GRID1: variants seen among roughly 807,000 people sequenced by gnomAD.
The protein encoded by GRID1 is glutamate ionotropic receptor delta type subunit 1.
In GRID1, 28 loss-of-function variants were observed where a neutral mutation model predicts 98.0. That is an observed-to-expected ratio of 0.29 (90% CI 0.21 to 0.39). The LOEUF is 0.39. Ranked by LOEUF, GRID1 falls within the 10% of genes least tolerant of loss-of-function variation. The pLI, the probability that GRID1 is intolerant of heterozygous loss-of-function variation, is 1.00. For synonymous variants in GRID1, 553 were observed against 538.5 expected (o/e 1.03, Z -0.37); for missense variants, 1,111 against 1,340.5 (o/e 0.83, Z 2.67).
At chr10:86,161,601 A>C (rs1364891377) in intron 3 of GRID1, among the ~76,000 whole-genome samples, 3 of 152,306 alleles carry the variant, frequency 2.0e-5, no homozygotes. Flanking sequence ...TCTGTAGGCC[A>C]TGAGTGCTTG....
At chr10:85,935,485 G>C (rs150443148) in intron 4 of GRID1, among the ~76,000 whole-genome samples, 2 of 152,194 alleles carry the variant, frequency 1.3e-5, no homozygotes, top group African/African-American at 4.8e-5. Flanking sequence ...CAGAGTATCA[G>C]CCTGACCCTC....
At chr10:86,059,891 T>A (rs1258424768) in intron 4 of GRID1, among the ~76,000 whole-genome samples, 5 of 151,468 alleles carry the variant, frequency 3.3e-5, no homozygotes, top group African/African-American at 1.2e-4. Flanking sequence ...AAAATGAAAA[T>A]AAAAAAAACA....
At chr10:86,182,033 C>T (rs1479812889) in intron 3 of GRID1, among the ~76,000 whole-genome samples, 1 of 152,170 alleles carries the variant, frequency 6.6e-6, no homozygotes. Flanking sequence ...GTGAAGTGGG[C>T]TTCTTTAAGA....
chr10:85,972,346 T>G (rs137874981), intron 4 of GRID1, among the ~76,000 whole-genome samples: 10 of 151,250 alleles, frequency 6.6e-5, no homozygotes, highest in Admixed American at 2.0e-4. Context: ...CTAATGGAAA[T>G]CAAAGGCAAT....
At chr10:85,860,816 T>A (rs1221312993) in intron 6 of GRID1, among the ~76,000 whole-genome samples, 1 of 152,112 alleles carries the variant, frequency 6.6e-6, no homozygotes, top group East Asian at 1.9e-4. Flanking sequence ...ATTTGCTGAG[T>A]GATGTTGAAC....
At chr10:86,068,295 G>C (rs1027966088) in intron 4 of GRID1, among the ~76,000 whole-genome samples, 5 of 152,122 alleles carry the variant, frequency 3.3e-5, no homozygotes, top group African/African-American at 1.2e-4. Context: ...TTTACAAGGG[G>C]CTATGTGAAG....
intron 2 of GRID1, among the ~76,000 whole-genome samples, chr10:86,325,892 C>A (rs1180008507): frequency 1.3e-5 from 2 of 152,192 alleles, no homozygotes. Context: ...GACAACGTGA[C>A]AGCACCTGAA....
At chr10:85,607,023 C>T (rs188393833) in intron 15 of GRID1, 1 of 152,284 alleles carries the variant, frequency 6.6e-6, no homozygotes, top group East Asian at 1.9e-4. Flanking sequence ...ATAAAATTCA[C>T]AGACTGTGTT....
At chr10:86,188,302 T>C (rs1413913116) in intron 3 of GRID1, among the ~76,000 whole-genome samples, 1 of 152,256 alleles carries the variant, frequency 6.6e-6, no homozygotes, top group East Asian at 1.9e-4. Flanking sequence ...TCAGCTATGC[T>C]GATGCCATCC....
intron 4 of GRID1, among the ~76,000 whole-genome samples, chr10:86,025,376 C>T (rs886400692): frequency 6.6e-6 from 1 of 152,232 alleles, no homozygotes; most frequent in South Asian, 2.1e-4. Context: ...GCCTTGAATA[C>T]GAGTGATTCC....
intron 12 of GRID1, among the ~76,000 whole-genome samples, chr10:85,699,054 T>C (rs1057419928): frequency 9.2e-5 from 14 of 152,048 alleles, no homozygotes; most frequent in African/African-American, 3.1e-4. Context: ...TTGTTTTGTT[T>C]TTTGTTTTGT....
chr10:85,708,265 G>A (rs541457806), intron 12 of GRID1, among the ~76,000 whole-genome samples: 22 of 152,150 alleles, frequency 1.4e-4, no homozygotes, highest in Non-Finnish European at 2.6e-4. Context: ...TTAGCCAGGC[G>A]TGGTGGTGGG....
chr10:86,054,287 A>C (rs1843544464), intron 4 of GRID1, among the ~76,000 whole-genome samples: 1 of 152,174 alleles, frequency 6.6e-6, no homozygotes. Flanking sequence ...CCCAGCAGGC[A>C]AGGTGAAACC....
rs765136625 is a variant in GRID1 at position 86,206,154 on chromosome 10, T to C, written c.520+210A>G. On this transcript the variant is annotated intron_variant, in intron 3 of 15. Coordinates refer to ENST00000327946, the MANE Select transcript of GRID1 (RefSeq NM_017551.3). This position sits in a 1 kb window ranked among gnomAD's most constrained non-coding sequence, Gnocchi z 4.1. ...TCAAACTTCAGCCGTCATGATAAGG[T>C]GTTGTTGCTAGGCAACTTTATACCT... 3.3e-5 allele frequency among the ~76,000 whole-genome samples: 5 copies of C among 152,162 alleles called. No homozygotes were observed. Among genetic ancestry groups the C allele is most frequent in the Non-Finnish European group, 5.9e-5 (4 of 68,022 alleles).
At chr10:85,876,283 A>G (rs1320774531) in intron 5 of GRID1, among the ~76,000 whole-genome samples, 1 of 151,696 alleles carries the variant, frequency 6.6e-6, no homozygotes, top group Non-Finnish European at 1.5e-5. Flanking sequence ...CCTGGGGGAG[A>G]CATGTTTCTC....
intron 2 of GRID1, among the ~76,000 whole-genome samples, chr10:86,301,178 C>A (rs1267024142): frequency 5.3e-5 from 8 of 152,318 alleles, no homozygotes; most frequent in African/African-American, 1.7e-4. Flanking sequence ...CGGCTCACCA[C>A]GAGGACCAAG....
chr10:86,095,316 A>G (rs555554118), intron 4 of GRID1, among the ~76,000 whole-genome samples: 1 of 152,328 alleles, frequency 6.6e-6, no homozygotes, highest in African/African-American at 2.4e-5. Context: ...GTGACCAAGA[A>G]TAAAAAAGCA....
At chr10:86,162,166 C>A (rs2131987163) in intron 3 of GRID1, among the ~76,000 whole-genome samples, 1 of 152,218 alleles carries the variant, frequency 6.6e-6, no homozygotes, top group Admixed American at 6.5e-5. Context: ...AGTAATTTAT[C>A]TAGATGGACC....
At chr10:85,942,675 G>T (rs1403201062) in intron 4 of GRID1, among the ~76,000 whole-genome samples, 1 of 152,178 alleles carries the variant, frequency 6.6e-6, no homozygotes, top group Non-Finnish European at 1.5e-5. Flanking sequence ...GACTATGCAA[G>T]CCTTCTCCTC....
Sources: allele counts gnomAD v4.1 joint callset (sites outside exome capture counted in the v4.1 genomes callset), GRCh38; gene constraint gnomAD v4.1.1; non-coding constraint Gnocchi (gnomAD v3.1); transcripts MANE v1.5; gene names NCBI Gene and HGNC (gene_info 2026-07-23, HGNC 2026-07-21).